The following SLC37A1 variants were observed in gnomAD, a reference collection of about 807,000 sequenced individuals.
The protein encoded by SLC37A1 is glucose-6-phosphate exchanger SLC37A1.
SLC37A1 carries 49 observed loss-of-function variants against 75.3 expected under a neutral mutation model. That is an observed-to-expected ratio of 0.65 (90% CI 0.52 to 0.83). SLC37A1 has a LOEUF of 0.83. SLC37A1 is among the 40% of genes least tolerant of loss of function. The pLI, the probability that SLC37A1 is intolerant of heterozygous loss-of-function variation, is 0.00. For synonymous variants in SLC37A1, 268 were observed against 292.1 expected (o/e 0.92, Z 0.84); for missense variants, 566 against 695.0 (o/e 0.81, Z 2.09).
At chr21:42,563,697 G>A (rs764462517) in intron 12 of SLC37A1, 118 bp from the exon 13 acceptor site, 188 of 842,374 alleles carry the variant, frequency 2.2e-4, no homozygotes, top group Non-Finnish European at 3.5e-4. Context: ...TTGCTCCTCG[G>A]TATAAATCAA....
intron 5 of SLC37A1, among the ~76,000 whole-genome samples, chr21:42,538,931 G>GAGC (rs1243704036): frequency 1.3e-5 from 2 of 152,216 alleles, no homozygotes; most frequent in African/African-American, 4.8e-5. Flanking sequence ...CAGCATTTCA[G>GAGC]ACCTTACCAT....
At chr21:42,534,037 TA>T (rs1397324280) in intron 3 of SLC37A1, among the ~76,000 whole-genome samples, 1 of 152,210 alleles carries the variant, frequency 6.6e-6, no homozygotes, top group Non-Finnish European at 1.5e-5. Context: ...TACATGCCCA[TA>T]GGGGTAGTCA....
At chr21:42,524,359 A>AG (rs1255005077) in intron 2 of SLC37A1, among the ~76,000 whole-genome samples, 1 of 152,158 alleles carries the variant, frequency 6.6e-6, no homozygotes, top group Admixed American at 6.5e-5. Context: ...CTTCTTTCTA[A>AG]GGCACCTTCT....
At chr21:42,535,173 T>G (rs1296204144) in intron 4 of SLC37A1, among the ~76,000 whole-genome samples, 1 of 152,222 alleles carries the variant, frequency 6.6e-6, no homozygotes, top group Non-Finnish European at 1.5e-5. Flanking sequence ...GAAAAGCCAG[T>G]GGACACGTAA....
chr21:42,517,488 A>T (rs958446729), intron 1 of SLC37A1, among the ~76,000 whole-genome samples: 1 of 152,208 alleles, frequency 6.6e-6, no homozygotes, highest in African/African-American at 2.4e-5. Flanking sequence ...TCCTTGGAGA[A>T]TGTGCATTTT....
intron 8 of SLC37A1, 141 bp downstream of exon 8, chr21:42,543,743 G>A (rs377652625): frequency 1.3e-6 from 1 of 784,442 alleles, no homozygotes; most frequent in East Asian, 2.9e-5. Context: ...CTTCTTACCA[G>A]GGAGACTTCC....
chr21:42,555,205 C>G (rs1177992406), intron 10 of SLC37A1, among the ~76,000 whole-genome samples: 1 of 151,992 alleles, frequency 6.6e-6, no homozygotes, highest in Non-Finnish European at 1.5e-5. Flanking sequence ...CCAGGCTAGT[C>G]TTGAACTCCT....
chr21:42,561,782 C>T (rs2055836641), intron 11 of SLC37A1: 1 of 343,542 alleles, frequency 2.9e-6, no homozygotes, highest in East Asian at 4.8e-5. Flanking sequence ...TCTGGCCACG[C>T]TGGGCCTGCA....
chr21:42,539,680 G>C (rs775118028), intron 6 of SLC37A1, 33 bp downstream of exon 6: 2 of 1,595,768 alleles, frequency 1.3e-6, no homozygotes, highest in Non-Finnish European at 1.7e-6. Context: ...CACCATGTAC[G>C]GGGTTTCCTT....
chr21:42,510,429 A>G (rs2054422765), upstream of SLC37A1, among the ~76,000 whole-genome samples: 1 of 152,238 alleles, frequency 6.6e-6, no homozygotes, highest in East Asian at 1.9e-4. Context: ...TACAAAAATC[A>G]TCACATTAGA....
rs201741856 is a variant in SLC37A1 at position 42,580,377 on chromosome 21, C to T, written c.*17C>T. ...GAACAGTGACACCCCACCCCAGTCC[C>T]GTGGAGGGGGTCTGGGCCCACCCTT... On this transcript the variant is annotated 3_prime_UTR_variant, in exon 20 of 20. Transcript: ENST00000352133. The T allele has an allele frequency of 1.3e-4, 209 of 1,612,822 alleles. No individual in the cohort carries two copies. The East Asian group carries it at 4.2e-3, about 33-fold the overall frequency.
chr21:42,572,677 C>CACACAAAAAAA (rs1378861804), intron 17 of SLC37A1, among the ~76,000 whole-genome samples: 29 of 80,506 alleles, frequency 3.6e-4, no homozygotes, highest in Admixed American at 2.1e-3. Context: ...CACACACACA[C>CACACAAAAAAA]AAAAAAAAAA....
At chr21:42,549,920 T>C (rs1210667574) in intron 9 of SLC37A1, among the ~76,000 whole-genome samples, 2 of 152,204 alleles carry the variant, frequency 1.3e-5, no homozygotes, top group Non-Finnish European at 2.9e-5. Context: ...CGAACCCCTG[T>C]GTACCCATTA....
At chr21:42,506,631 C>G (rs902790617) in intron 2 of SLC37A1, among the ~76,000 whole-genome samples, 5 of 152,136 alleles carry the variant, frequency 3.3e-5, no homozygotes, top group African/African-American at 1.2e-4. Context: ...ATTCTAACAC[C>G]TTACTTTCCC....
chr21:42,511,944 G>C (rs1186024391), upstream of SLC37A1, among the ~76,000 whole-genome samples: 2 of 152,030 alleles, frequency 1.3e-5, no homozygotes, highest in Non-Finnish European at 2.9e-5. Context: ...GCTGGCCAAA[G>C]AGTACAAAGT....
At chr21:42,560,193 C>T (rs904383037) in intron 11 of SLC37A1, among the ~76,000 whole-genome samples, 6 of 152,224 alleles carry the variant, frequency 3.9e-5, no homozygotes, top group African/African-American at 4.8e-5. Flanking sequence ...TTGATGGACT[C>T]TCTCAGCAGA....
In SLC37A1 at chr21:42,551,134, A is replaced by C. The variant is rs114233091; in HGVS notation, c.769-2928A>C. Among the ~76,000 whole-genome samples, 1,081 of 152,358 alleles carry C rather than the reference A, an allele frequency of 7.1e-3. 9 individuals are homozygous for C. Among genetic ancestry groups the C allele is most frequent in the African/African-American group, 0.025 (1,040 of 41,582 alleles). ...AAGAAGTAAGACTACTTCTCTTTGCAGATGACATGATCTTTTATACAGAAA... is the reference window on the plus strand; with the variant it reads ...AAGAAGTAAGACTACTTCTCTTTGCCGATGACATGATCTTTTATACAGAAA... On this transcript the variant is annotated intron_variant, in intron 9 of 19. Coordinates refer to ENST00000352133, the MANE Select transcript of SLC37A1 (RefSeq NM_001320537.2).
chr21:42,538,369 T>C (rs1374153730), intron 5 of SLC37A1, among the ~76,000 whole-genome samples: 1 of 152,258 alleles, frequency 6.6e-6, no homozygotes, highest in Non-Finnish European at 1.5e-5. Flanking sequence ...AAAGGTCATT[T>C]GCATGATCCA....
intron 18 of SLC37A1, chr21:42,575,316 G>C (rs1266892765): frequency 1.0e-6 from 1 of 985,372 alleles, no homozygotes; most frequent in Non-Finnish European, 1.2e-6. Flanking sequence ...GATACACAGA[G>C]CCTGGCCTCC....
Sources: allele counts gnomAD v4.1 joint callset (sites outside exome capture counted in the v4.1 genomes callset), GRCh38; gene constraint gnomAD v4.1.1; transcripts MANE v1.5; gene names NCBI Gene and HGNC (gene_info 2026-07-23, HGNC 2026-07-21).